SEMA3D: variants seen among roughly 807,000 people sequenced by gnomAD.
SEMA3D encodes the protein semaphorin-3D.
In SEMA3D, 84 loss-of-function variants were observed where a neutral mutation model predicts 100.1. The observed-to-expected ratio is 0.84, with a 90% CI of 0.70 to 1.01. The LOEUF is 1.01. SEMA3D is among the 50% of genes least tolerant of loss of function. SEMA3D has a pLI of 0.00. For synonymous variants in SEMA3D, 312 were observed against 320.7 expected (o/e 0.97, Z 0.29); for missense variants, 875 against 934.1 (o/e 0.94, Z 0.82).
At chr7:85,116,351 T>C (rs1789244583) in intron 3 of SEMA3D, among the ~76,000 whole-genome samples, 1 of 146,512 alleles carries the variant, frequency 6.8e-6, no homozygotes, top group Non-Finnish European at 1.5e-5. Flanking sequence ...TGTATATTTA[T>C]ATATTATAAT....
chr7:85,164,568 A>C (rs1266851320), intron 1 of SEMA3D, among the ~76,000 whole-genome samples: 1 of 152,130 alleles, frequency 6.6e-6, no homozygotes, highest in Non-Finnish European at 1.5e-5. Flanking sequence ...TCTTCATACA[A>C]CACAGCCTCT....
intron 4 of SEMA3D, among the ~76,000 whole-genome samples, chr7:85,081,807 T>G (rs912872571): frequency 1.3e-5 from 2 of 152,230 alleles, no homozygotes; most frequent in African/African-American, 4.8e-5. Context: ...GGTCTCTATT[T>G]TAATGTCTGT....
chr7:85,118,434 A>T (rs1489129657), intron 3 of SEMA3D, among the ~76,000 whole-genome samples: 1 of 151,902 alleles, frequency 6.6e-6, no homozygotes, highest in Non-Finnish European at 1.5e-5. Flanking sequence ...GACATTATGG[A>T]TATTAAATTG....
chr7:85,026,357 TAGAG>T (rs753765629), intron 12 of SEMA3D, among the ~76,000 whole-genome samples: 9 of 152,128 alleles, frequency 5.9e-5, no homozygotes, highest in Non-Finnish European at 1.2e-4. Flanking sequence ...TTCAATATGA[TAGAG>T]AGACATGAGT....
intron 4 of SEMA3D, among the ~76,000 whole-genome samples, chr7:85,085,938 C>T (rs1788199984): frequency 6.6e-6 from 1 of 152,100 alleles, no homozygotes; most frequent in African/African-American, 2.4e-5. Context: ...TTGAGTTGCA[C>T]CATCCTAGTT....
chr7:85,228,310 C>G, the SEMA3D span, among the ~76,000 whole-genome samples: 1 of 152,098 alleles, frequency 6.6e-6, no homozygotes, highest in Non-Finnish European at 1.5e-5. Context: ...GCGAAAGAAA[C>G]ACAACCATTC....
chr7:85,239,428 C>A, the SEMA3D span, among the ~76,000 whole-genome samples: 3 of 152,184 alleles, frequency 2.0e-5, no homozygotes, highest in African/African-American at 7.2e-5. Context: ...GCTAGACCTG[C>A]TGGTGCTTTG....
Position 84,997,748 on chromosome 7 carries a change from G to A in SEMA3D, c.*1692C>T, listed in dbSNP as rs1789542173. 1 of 139,746 alleles carries A rather than the reference G, an allele frequency of 7.2e-6. No individual in the cohort carries two copies. Among genetic ancestry groups the A allele is most frequent in the African/African-American group, 3.4e-5 (1 of 29,562 alleles). 8.7% of individuals were successfully genotyped at this position (139,746 alleles called of 1,614,324 possible). On this transcript the variant is annotated 3_prime_UTR_variant, in exon 19 of 19. Coordinates refer to ENST00000284136, the MANE Select transcript of SEMA3D (RefSeq NM_001384900.1). Reference sequence around the variant, plus strand: ...AAGATATGTAGAATGCATGAGAAACGAGCAATGTCTGTTATTTTCTGAAAA... The same window carrying A: ...AAGATATGTAGAATGCATGAGAAACAAGCAATGTCTGTTATTTTCTGAAAA...
At chr7:85,182,600 T>C (rs1276910449) in intron 1 of SEMA3D, among the ~76,000 whole-genome samples, 1 of 152,106 alleles carries the variant, frequency 6.6e-6, no homozygotes, top group Non-Finnish European at 1.5e-5. Context: ...TGTTTGAAAA[T>C]AGACTATTAG....
rs145005445 is a variant in SEMA3D, at chr7:85,149,465, CA to C, written c.-41+4142del. 5.9e-3 allele frequency among the ~76,000 whole-genome samples: 893 copies of C among 151,888 alleles called. 7 individuals are homozygous for C. Among genetic ancestry groups the C allele is most frequent in the African/African-American group, 0.02 (837 of 41,444 alleles). On this transcript the variant is annotated intron_variant, in intron 2 of 18. Coordinates refer to ENST00000284136, the MANE Select transcript of SEMA3D (RefSeq NM_001384900.1). ...TCTGTCTCAAAAAATAAATAAACAG[CA>C]AAAAATGAAAACAAACAAACAAACA...
intron 12 of SEMA3D, 64 bp downstream of exon 12, chr7:85,036,825 C>T: frequency 7.5e-7 from 1 of 1,331,244 alleles, no homozygotes; most frequent in Non-Finnish European, 1.0e-6. Flanking sequence ...GAATTTATTA[C>T]AATTAAATTA....
chr7:85,019,017 GA>G (rs140012233), intron 14 of SEMA3D, among the ~76,000 whole-genome samples: 10,041 of 151,380 alleles, frequency 0.066, 945 homozygotes, highest in East Asian at 0.22. Flanking sequence ...AGAAATATAT[GA>G]AAAAAAATTT....
the SEMA3D span, among the ~76,000 whole-genome samples, chr7:85,248,527 T>A: frequency 6.6e-6 from 1 of 152,184 alleles, no homozygotes; most frequent in South Asian, 2.1e-4. Context: ...TGCACATAGA[T>A]GTTTATAACA....
chr7:85,205,962 T>C, the SEMA3D span, among the ~76,000 whole-genome samples: 2 of 152,110 alleles, frequency 1.3e-5, no homozygotes, highest in Non-Finnish European at 2.9e-5. Context: ...TCTGCATGTA[T>C]CAAAACAGTT....
the SEMA3D span, among the ~76,000 whole-genome samples, chr7:85,193,871 A>G: frequency 2.7e-5 from 3 of 110,866 alleles, no homozygotes; most frequent in African/African-American, 1.4e-4. Context: ...AAACCATACT[A>G]AAGGAAAAAA....
intron 9 of SEMA3D, among the ~76,000 whole-genome samples, chr7:85,047,275 A>T (rs1461479068): frequency 6.6e-6 from 1 of 151,934 alleles, no homozygotes; most frequent in Non-Finnish European, 1.5e-5. Flanking sequence ...AATTACTAAG[A>T]TCTTCTAATC....
intron 2 of SEMA3D, among the ~76,000 whole-genome samples, chr7:85,136,377 A>G (rs1264627942): frequency 1.3e-5 from 2 of 152,106 alleles, no homozygotes; most frequent in Admixed American, 1.3e-4. Context: ...AGGGCTGCCA[A>G]CTTCCAGGGA....
At chr7:85,127,534 C>T (rs1789600287) in intron 2 of SEMA3D, among the ~76,000 whole-genome samples, 1 of 151,982 alleles carries the variant, frequency 6.6e-6, no homozygotes, top group Non-Finnish European at 1.5e-5. Flanking sequence ...TTCATTTTTT[C>T]CTGACCATAA....
intron 9 of SEMA3D, among the ~76,000 whole-genome samples, chr7:85,047,228 T>A (rs1448355005): frequency 6.6e-6 from 1 of 151,880 alleles, no homozygotes; most frequent in African/African-American, 2.4e-5. Context: ...ATATAGTACA[T>A]CTGAGTCATT....
Sources: gnomAD v4.1 joint callset for allele counts (sites outside exome capture counted in the v4.1 genomes callset) on GRCh38, gnomAD v4.1.1 for gene constraint, MANE v1.5 for transcripts, NCBI Gene and HGNC (gene_info 2026-07-23, HGNC 2026-07-21) for gene names.